GABRR1: variants seen among roughly 807,000 people sequenced by gnomAD.
GABRR1 encodes gamma-aminobutyric acid type A receptor subunit rho1.
Under a neutral mutation model 55.5 loss-of-function variants are expected in GABRR1, and 59 were observed. The observed-to-expected ratio is 1.06, with a 90% CI of 0.86 to 1.32. The LOEUF (loss-of-function observed/expected upper bound fraction) is 1.32. GABRR1 is among the 40% of genes most tolerant of loss of function. The pLI is 0.00. For synonymous variants in GABRR1, 213 were observed against 226.0 expected (o/e 0.94, Z 0.51); for missense variants, 602 against 619.1 (o/e 0.97, Z 0.29).
At chr6:89,198,631 AC>A (rs903013194) in intron 4 of GABRR1, among the ~76,000 whole-genome samples, 12 of 152,050 alleles carry the variant, frequency 7.9e-5, no homozygotes, top group Non-Finnish European at 1.6e-4. Context: ...CAGAGCCTGC[AC>A]CCCTGAGTCA....
chr6:89,231,186 C>G (rs535425675), intron 1 of GABRR1: 1 of 156,170 alleles, frequency 6.4e-6, no homozygotes, highest in Non-Finnish European at 1.4e-5. Context: ...GAGATGAACC[C>G]GGTACCTCAG....
Position 89,207,211 on chromosome 6 carries a change from T to G in GABRR1, c.123-3726A>C, listed in dbSNP as rs116437937. 5.3e-3 allele frequency among the ~76,000 whole-genome samples: 802 copies of G among 152,238 alleles called. 6 individuals are homozygous for G. The highest frequency in any genetic ancestry group is 0.014 in the African/African-American group (587 of 41,524). On this transcript the variant is annotated intron_variant, in intron 1 of 9. Coordinates refer to ENST00000454853, the MANE Select transcript of GABRR1 (RefSeq NM_002042.5). Reference sequence around the variant, plus strand: ...TTTTTTTTTAATGTTAATTTTTTTTTGAAGACAGGGTCTCACTCTGTTGTC... The same window carrying G: ...TTTTTTTTTAATGTTAATTTTTTTTGGAAGACAGGGTCTCACTCTGTTGTC...
chr6:89,218,253 C>T (rs1361257874), upstream of GABRR1, among the ~76,000 whole-genome samples: 3 of 152,040 alleles, frequency 2.0e-5, no homozygotes, highest in South Asian at 2.1e-4. Flanking sequence ...AGTCAGGATT[C>T]CCATAACTCT....
Position 89,203,553 on chromosome 6 carries a change from CT to C in GABRR1, c.123-69del, listed in dbSNP as rs1034783028. ...AGGTACTCAGATCAACCAAGCACCC[CT>C]CTCCCTCCAGATTTGCTTCAAATCT... On this transcript the variant is annotated intron_variant, in intron 1 of 9. Transcript: ENST00000454853. The C allele has an allele frequency of 2.6e-6, 3 of 1,141,782 alleles. No individual in the cohort carries two copies. In the African/African-American group the frequency reaches 4.6e-5, roughly 17 times the overall value. The allele number at this position is 1,141,782 out of a possible 1,614,324, so 70.7% of individuals were successfully genotyped here.
At chr6:89,212,750 C>G (rs535186479) in intron 1 of GABRR1, among the ~76,000 whole-genome samples, 1 of 152,164 alleles carries the variant, frequency 6.6e-6, no homozygotes, top group Non-Finnish European at 1.5e-5. Context: ...CTCACTGCAG[C>G]CTTGACATCC....
Position 89,180,291 on chromosome 6 carries a change from C to A in GABRR1, c.1146+1G>T. On this transcript the variant is annotated splice_donor_variant, in intron 9 of 9. Transcript: ENST00000454853. LOFTEE classifies it high-confidence loss of function. Reference sequence around the variant, plus strand: ...ACACTATAAGCGCATGGCAAAGTCACCTTCTCCCGCAGCTTCTGTTCCTTC... The same window carrying A: ...ACACTATAAGCGCATGGCAAAGTCAACTTCTCCCGCAGCTTCTGTTCCTTC... 2 of 1,612,672 alleles carry A rather than the reference C, an allele frequency of 1.2e-6. No homozygotes were observed. The highest frequency in any genetic ancestry group is 8.5e-7 in the Non-Finnish European group (1 of 1,179,522).
intron 5 of GABRR1, among the ~76,000 whole-genome samples, chr6:89,196,300 A>T (rs546615639): frequency 6.6e-6 from 1 of 152,318 alleles, no homozygotes; most frequent in African/African-American, 2.4e-5. Flanking sequence ...AGTGATGTTT[A>T]CAACAAACTT....
chr6:89,217,378 C>CT (rs1773021323), upstream of GABRR1: 24 of 1,577,716 alleles, frequency 1.5e-5, no homozygotes, highest in Non-Finnish European at 2.0e-5. Context: ...AAAGATTGTT[C>CT]TTTTTCTCTC....
intron 1 of GABRR1, among the ~76,000 whole-genome samples, chr6:89,210,556 A>C (rs1418954832): frequency 6.6e-6 from 1 of 152,096 alleles, no homozygotes; most frequent in Non-Finnish European, 1.5e-5. Flanking sequence ...TGTCTCCCCC[A>C]CTAGACTGTC....
intron 6 of GABRR1, among the ~76,000 whole-genome samples, chr6:89,189,042 CTGTG>C (rs71913424): frequency 2.8e-4 from 42 of 147,490 alleles, no homozygotes; most frequent in Middle Eastern, 3.5e-3. Flanking sequence ...GAACTCATGT[CTGTG>C]TGTGTGTGTG....
At chr6:89,207,259 A>G (rs933651616) in intron 1 of GABRR1, among the ~76,000 whole-genome samples, 4 of 152,048 alleles carry the variant, frequency 2.6e-5, no homozygotes, top group Non-Finnish European at 4.4e-5. Context: ...CAGTGGCACA[A>G]TCTCAGCTCA....
At chr6:89,213,745 G>A (rs1772898219) in intron 1 of GABRR1, among the ~76,000 whole-genome samples, 1 of 152,134 alleles carries the variant, frequency 6.6e-6, no homozygotes, top group Admixed American at 6.5e-5. Flanking sequence ...AAACTACTTA[G>A]TATTCAGTAT....
chr6:89,196,875 G>GA (rs71684056), intron 5 of GABRR1, among the ~76,000 whole-genome samples: 2,546 of 134,480 alleles, frequency 0.019, 70 homozygotes, highest in Middle Eastern at 0.033. Context: ...AAGAAAGAAA[G>GA]AAAGAGAAGA....
intron 1 of GABRR1, among the ~76,000 whole-genome samples, chr6:89,229,844 A>G (rs1326619131): frequency 9.3e-5 from 12 of 129,536 alleles, no homozygotes; most frequent in Non-Finnish European, 1.8e-4. Flanking sequence ...CCTGGATAAT[A>G]TCCTGCAGAG....
upstream of GABRR1, chr6:89,217,449 A>G (rs956382394): frequency 8.0e-5 from 86 of 1,080,152 alleles, no homozygotes; most frequent in Middle Eastern, 2.1e-4. Context: ...AAAAAAAATC[A>G]ACCCACAGGA....
rs1477276504 is a variant in GABRR1, at chr6:89,185,400, A to C, written c.706T>G (p.Ser236Ala). 1.9e-6 allele frequency: 3 copies of C among 1,613,502 alleles called. No homozygotes were observed. Among genetic ancestry groups the C allele is most frequent in the African/African-American group, 1.3e-5 (1 of 74,870 alleles). The change falls in exon 7 of 10, where the codon TCC (serine) becomes GCC (alanine). Residue 236 changes from serine (S) to alanine (A), a missense_variant. Ser to Ala is a moderately conservative substitution (Grantham distance 99, BLOSUM62 1). Transcript: ENST00000454853. The stretch of plus-strand genomic sequence containing the variant: ...GAGATCCGTTCATCTGTCTTTAAGG[A>C]GTCATTGCCCTTTTTCCAGTACAGC... ...LMLYWKKGND[S>A]LKTDERISLS... is the part of the protein sequence containing the mutation.
At chr6:89,220,118 A>C (rs574413769), upstream of GABRR1, among the ~76,000 whole-genome samples, 1 of 152,182 alleles carries the variant, frequency 6.6e-6, no homozygotes, top group African/African-American at 2.4e-5. Flanking sequence ...TAAGGCATTA[A>C]ATTGGGGAGG....
chr6:89,181,792 C>G (rs1235141333), intron 8 of GABRR1, 113 bp downstream of exon 8: 1 of 1,084,940 alleles, frequency 9.2e-7, no homozygotes, highest in East Asian at 2.5e-5. Flanking sequence ...TTTTCCAAGT[C>G]ATAACGCCAA....
At position 89,199,438 on chromosome 6, in the gene GABRR1, A is replaced by T. The variant is rs954186212; in HGVS notation, c.281-9T>A. 6.2e-7 allele frequency: 1 copy of T among 1,613,530 alleles called. No homozygotes were observed. Among genetic ancestry groups the T allele is most frequent in the Non-Finnish European group, 8.5e-7 (1 of 1,179,596 alleles). The stretch of plus-strand genomic sequence containing the variant: ...AACAGGAATGGCAGGGCCTGGGGAC[A>T]GAGCATGGCAAGAGCATTCACTGTT... On this transcript the variant is annotated splice_polypyrimidine_tract_variant and intron_variant, in intron 3 of 9. Transcript: ENST00000454853.
Sources: allele counts gnomAD v4.1 joint callset (sites outside exome capture counted in the v4.1 genomes callset), GRCh38; gene constraint gnomAD v4.1.1; transcripts MANE v1.5; gene names NCBI Gene and HGNC (gene_info 2026-07-23, HGNC 2026-07-21).